Variants in LHFPL6 observed in about 807,000 individuals in gnomAD.
LHFPL6 encodes the protein LHFPL tetraspan subfamily member 6 protein.
Under a neutral mutation model 20.6 loss-of-function variants are expected in LHFPL6, and 9 were observed. The ratio of observed to expected loss-of-function variants is 0.44; its 90% confidence interval spans 0.26 to 0.76. LHFPL6 has a LOEUF of 0.76. LHFPL6 is among the 30% of genes least tolerant of loss of function. The probability of loss-of-function intolerance (pLI) is 0.20; values close to 1 mark genes in which losing one functional copy is unlikely to be tolerated. For missense variants in LHFPL6, 218 were observed against 253.5 expected (o/e 0.86, Z 0.95); for synonymous variants, 105 against 98.7 (o/e 1.06, Z -0.38).
intron 2 of LHFPL6, among the ~76,000 whole-genome samples, chr13:39,448,380 T>A (rs185021958): frequency 7.9e-5 from 12 of 152,084 alleles, no homozygotes; most frequent in Non-Finnish European, 1.8e-4. Flanking sequence ...ATTCATCAGG[T>A]AGGAAAGTGG....
intron 2 of LHFPL6, among the ~76,000 whole-genome samples, chr13:39,578,084 G>A: frequency 6.6e-6 from 1 of 152,182 alleles, no homozygotes; most frequent in East Asian, 1.9e-4. Context: ...TTGAAGAGAA[G>A]TGTTCTCAGT....
chr13:39,533,404 T>C (rs1870523577), intron 2 of LHFPL6, among the ~76,000 whole-genome samples: 1 of 134,324 alleles, frequency 7.4e-6, no homozygotes, highest in Admixed American at 8.2e-5. Flanking sequence ...TACCATCACA[T>C]GCATGTCTGA....
At chr13:39,467,138 T>TCTTA (rs1872823795) in intron 2 of LHFPL6, among the ~76,000 whole-genome samples, 1 of 152,158 alleles carries the variant, frequency 6.6e-6, no homozygotes, top group Admixed American at 6.6e-5. Flanking sequence ...TGTGTCCCCA[T>TCTTA]CTTACTGTTC....
intron 2 of LHFPL6, among the ~76,000 whole-genome samples, chr13:39,447,195 C>A (rs778269793): frequency 1.4e-4 from 21 of 152,172 alleles, no homozygotes; most frequent in African/African-American, 1.9e-4. Context: ...CCAATCATCA[C>A]GCTTATGAAG....
At chr13:39,546,680 C>G (rs937244471) in intron 2 of LHFPL6, among the ~76,000 whole-genome samples, 1 of 152,036 alleles carries the variant, frequency 6.6e-6, no homozygotes, top group African/African-American at 2.4e-5. Flanking sequence ...TTGACTCCAC[C>G]CCATCTCTAT....
intron 2 of LHFPL6, among the ~76,000 whole-genome samples, chr13:39,490,359 C>T (rs1005411510): frequency 1.3e-5 from 2 of 152,186 alleles, no homozygotes; most frequent in Non-Finnish European, 2.9e-5. Context: ...GGGAACAAAG[C>T]AGGGTAGATA....
intron 2 of LHFPL6, among the ~76,000 whole-genome samples, chr13:39,535,971 T>C (rs1870605295): frequency 6.6e-6 from 1 of 152,184 alleles, no homozygotes; most frequent in Non-Finnish European, 1.5e-5. Context: ...CCTATTTGAT[T>C]ACCTGCTTCA....
chr13:39,600,542 A>G (rs1406802545), intron 2 of LHFPL6, among the ~76,000 whole-genome samples: 1 of 152,210 alleles, frequency 6.6e-6, no homozygotes. Flanking sequence ...ATAAAATCCA[A>G]ACTGTCGCCC....
intron 2 of LHFPL6, among the ~76,000 whole-genome samples, chr13:39,383,967 A>C (rs17803327): frequency 0.12 from 18,403 of 152,138 alleles, 1,251 homozygotes; most frequent in South Asian, 0.21. Context: ...GAATTCTTCA[A>C]AACAGCTTCT....
intron 2 of LHFPL6, 33 bp downstream of exon 2, chr13:39,600,799 C>T: frequency 6.9e-7 from 1 of 1,457,442 alleles, no homozygotes; most frequent in Non-Finnish European, 9.1e-7. Flanking sequence ...TTTGGGATTC[C>T]AGTAAACAAC....
intron 2 of LHFPL6, among the ~76,000 whole-genome samples, chr13:39,378,787 T>C (rs1870362814): frequency 6.6e-6 from 1 of 152,226 alleles, no homozygotes; most frequent in African/African-American, 2.4e-5. Flanking sequence ...AAATCCTGTT[T>C]AGGAAATACA....
chr13:39,494,952 G>A (rs767405815), intron 2 of LHFPL6, among the ~76,000 whole-genome samples: 13 of 152,154 alleles, frequency 8.5e-5, no homozygotes, highest in Non-Finnish European at 1.8e-4. Flanking sequence ...TCATTTAACT[G>A]TGTGACTGTG....
At chr13:39,466,372 G>C (rs1872807061) in intron 2 of LHFPL6, among the ~76,000 whole-genome samples, 3 of 152,176 alleles carry the variant, frequency 2.0e-5, no homozygotes, top group Admixed American at 2.0e-4. Context: ...AATTCAAGTT[G>C]AAAAATATTG....
intron 2 of LHFPL6, among the ~76,000 whole-genome samples, chr13:39,381,508 A>G (rs1870435655): frequency 1.3e-5 from 2 of 151,916 alleles, no homozygotes; most frequent in Admixed American, 1.3e-4. Flanking sequence ...CTCCCCTCCA[A>G]CAACGCATGC....
chr13:39,591,978 C>T (rs1209137839), intron 2 of LHFPL6, among the ~76,000 whole-genome samples: 9 of 151,956 alleles, frequency 5.9e-5, no homozygotes, highest in Admixed American at 5.9e-4. Context: ...CGCCTGTAAT[C>T]CCAGTTACTA....
chr13:39,485,003 T>A (rs909051713), intron 2 of LHFPL6, among the ~76,000 whole-genome samples: 14 of 152,320 alleles, frequency 9.2e-5, no homozygotes, highest in African/African-American at 2.4e-4. Flanking sequence ...AGTTTTCATC[T>A]ATAGAAGATT....
At chr13:39,552,901 A>T (rs1177344348) in intron 2 of LHFPL6, among the ~76,000 whole-genome samples, 4 of 152,136 alleles carry the variant, frequency 2.6e-5, no homozygotes, top group African/African-American at 9.7e-5. Flanking sequence ...GATTTGTTGT[A>T]TACTTATTCT....
chr13:39,426,675 T>C (rs1034833867), intron 2 of LHFPL6, among the ~76,000 whole-genome samples: 2 of 152,214 alleles, frequency 1.3e-5, no homozygotes, highest in African/African-American at 4.8e-5. Flanking sequence ...TCAATCTTTC[T>C]TATGGCTGAA....
chr13:39,566,731 T>TAAAAAAAAA (rs3035077), intron 2 of LHFPL6, among the ~76,000 whole-genome samples: 4 of 70,076 alleles, frequency 5.7e-5, no homozygotes, highest in African/African-American at 5.7e-5. Context: ...AGACCCTGTC[T>TAAAAAAAAA]AAAAAAAAAA....
Sources: allele counts gnomAD v4.1 joint callset (sites outside exome capture counted in the v4.1 genomes callset), GRCh38; gene constraint gnomAD v4.1.1; transcripts MANE v1.5; gene names NCBI Gene and HGNC (gene_info 2026-07-23, HGNC 2026-07-21).